Variants in RC3H1 observed in about 807,000 individuals in gnomAD.
The protein encoded by RC3H1 is roquin-1.
In RC3H1, 50 loss-of-function variants were observed where a neutral mutation model predicts 138.2. That is an observed-to-expected ratio of 0.36 (90% CI 0.29 to 0.46). The LOEUF is 0.46. Ranked by LOEUF, RC3H1 falls within the 20% of genes least tolerant of loss-of-function variation. RC3H1 has a pLI of 1.00. For missense variants in RC3H1, 1,031 were observed against 1,388.1 expected (o/e 0.74, Z 4.09); for synonymous variants, 462 against 489.1 (o/e 0.94, Z 0.73).
intron 8 of RC3H1, 149 bp downstream of exon 8, chr1:173,972,360 A>G (rs988103416): frequency 2.9e-5 from 17 of 594,306 alleles, no homozygotes; most frequent in Non-Finnish European, 4.9e-5. Context: ...AACCATGCCA[A>G]GGTAATTTAC....
At chr1:173,973,511 G>A (rs1469463919) in intron 7 of RC3H1, among the ~76,000 whole-genome samples, 1 of 150,218 alleles carries the variant, frequency 6.7e-6, no homozygotes, top group African/African-American at 2.5e-5. Flanking sequence ...ACTCCATCCT[G>A]GTGACAGAGA....
At position 173,936,018 on chromosome 1, in the gene RC3H1, T is replaced by G. The variant is rs1476922620; in HGVS notation, c.*2703A>C. Reference sequence around the variant, plus strand: ...ACTATTTTAAGTCAAGTTTATACAGTGACTTTTCTGGTTTTGTTCAGAACA... The same window carrying G: ...ACTATTTTAAGTCAAGTTTATACAGGGACTTTTCTGGTTTTGTTCAGAACA... On this transcript the variant is annotated 3_prime_UTR_variant, in exon 20 of 20. Transcript: ENST00000367696. The G allele has an allele frequency of 6.6e-6, 1 of 152,192 alleles. No individual in the cohort carries two copies. Among genetic ancestry groups the G allele is most frequent in the Non-Finnish European group, 1.5e-5 (1 of 68,036 alleles). The allele number at this position is 152,192 out of a possible 1,614,324, so 9.4% of individuals were successfully genotyped here.
chr1:174,016,422 CTTTTTTTTTT>C (rs1189625122), intron 1 of RC3H1, among the ~76,000 whole-genome samples: 2 of 118,278 alleles, frequency 1.7e-5, no homozygotes, highest in South Asian at 5.3e-4. Context: ...TTTAAGTTTC[CTTTTTTTTTT>C]TTTTTTTTTT....
At chr1:174,004,582 G>C (rs536568061) in intron 1 of RC3H1, among the ~76,000 whole-genome samples, 1 of 151,652 alleles carries the variant, frequency 6.6e-6, no homozygotes, top group African/African-American at 2.4e-5. Context: ...AAGGCAGGTG[G>C]ATCACCTGAG....
intron 1 of RC3H1, among the ~76,000 whole-genome samples, chr1:173,998,522 A>G (rs60229445): frequency 0.022 from 3,334 of 152,244 alleles, 143 homozygotes; most frequent in African/African-American, 0.077. Flanking sequence ...AATTTCCCCA[A>G]TTATATATAC....
intron 10 of RC3H1, among the ~76,000 whole-genome samples, chr1:173,964,420 T>G (rs1404100622): frequency 1.3e-5 from 2 of 152,076 alleles, no homozygotes; most frequent in Non-Finnish European, 2.9e-5. Context: ...CAGGCTGGAG[T>G]GCAGTGGTGC....
chr1:174,013,977 A>G (rs1661814352), intron 1 of RC3H1, among the ~76,000 whole-genome samples: 1 of 152,172 alleles, frequency 6.6e-6, no homozygotes, highest in Non-Finnish European at 1.5e-5. Context: ...AAAGGACTAT[A>G]TACTATGATT....
intron 2 of RC3H1, among the ~76,000 whole-genome samples, chr1:173,988,300 C>CA (rs760104808): frequency 3.3e-5 from 5 of 152,180 alleles, no homozygotes; most frequent in Non-Finnish European, 7.4e-5. Flanking sequence ...TTACCTTTTA[C>CA]AGATATCACA....
chr1:173,971,883 T>C (rs982038342), intron 8 of RC3H1, among the ~76,000 whole-genome samples: 13 of 152,160 alleles, frequency 8.5e-5, no homozygotes, highest in Admixed American at 6.5e-4. Flanking sequence ...GTTCACAGGC[T>C]TACTACTGCA....
Position 173,965,091 on chromosome 1 carries a change from G to C in RC3H1, c.1364C>G (p.Pro455Arg). ...CAAAGAGGCACTCAAGGGTCTTCTC[G>C]GAACCAGGCGCTTATTCATTTTACG... ...KFRKMNKRLV[P>R]RRPLSASLGQ... The change falls in exon 10 of 20, where the codon CCG becomes CGG. Residue 455 changes from proline (P) to arginine (R), a missense_variant. Coordinates refer to ENST00000367696, the MANE Select transcript of RC3H1 (RefSeq NM_172071.4). 6.2e-7 allele frequency: 1 copy of C among 1,613,302 alleles called. No individual in the cohort carries two copies.
chr1:173,961,049 T>C, intron 13 of RC3H1, 28 bp downstream of exon 13: 1 of 1,605,984 alleles, frequency 6.2e-7, no homozygotes, highest in Non-Finnish European at 8.5e-7. Context: ...AAAACACGGA[T>C]AAATGAGACT....
chr1:173,992,034 C>T (rs1423686807), intron 2 of RC3H1, among the ~76,000 whole-genome samples: 1 of 152,136 alleles, frequency 6.6e-6, no homozygotes, highest in Non-Finnish European at 1.5e-5. Context: ...CAGTTAATGT[C>T]TACTGAGTAA....
intron 19 of RC3H1, among the ~76,000 whole-genome samples, chr1:173,939,284 T>C (rs1658728491): frequency 6.6e-6 from 1 of 152,016 alleles, no homozygotes; most frequent in African/African-American, 2.4e-5. Context: ...ATGCCTATAA[T>C]CCCAGCACTT....
chr1:173,966,415 T>C (rs1660120260), intron 9 of RC3H1, among the ~76,000 whole-genome samples: 1 of 152,118 alleles, frequency 6.6e-6, no homozygotes, highest in African/African-American at 2.4e-5. Context: ...TGCATTTTTA[T>C]TTTGAAAAAT....
chr1:173,942,515 T>C (rs943661337), intron 18 of RC3H1, among the ~76,000 whole-genome samples: 3 of 149,792 alleles, frequency 2.0e-5, no homozygotes, highest in Admixed American at 2.0e-4. Context: ...AAAACCTGCA[T>C]GCTCAATTTA....
At chr1:173,962,901 T>C (rs1659942799) in intron 11 of RC3H1, among the ~76,000 whole-genome samples, 1 of 152,166 alleles carries the variant, frequency 6.6e-6, no homozygotes, top group Non-Finnish European at 1.5e-5. Flanking sequence ...CCATATCAAT[T>C]AAAAAACATT....
chr1:174,014,553 G>C (rs1017582255), intron 1 of RC3H1, among the ~76,000 whole-genome samples: 1 of 152,046 alleles, frequency 6.6e-6, no homozygotes, highest in Non-Finnish European at 1.5e-5. Flanking sequence ...AACTATATAA[G>C]GTTTTATATG....
intron 18 of RC3H1, among the ~76,000 whole-genome samples, chr1:173,941,798 G>A (rs183111247): frequency 1.8e-4 from 28 of 151,890 alleles, no homozygotes; most frequent in Middle Eastern, 3.4e-3. Flanking sequence ...TGGGCGTGGT[G>A]GCACACGCCT....
chr1:173,973,920 A>G (rs548814079), intron 7 of RC3H1, among the ~76,000 whole-genome samples: 1 of 152,330 alleles, frequency 6.6e-6, no homozygotes, highest in South Asian at 2.1e-4. Context: ...AATCCCCATT[A>G]TATTCAAGGA....
Sources: gnomAD v4.1 joint callset for allele counts (sites outside exome capture counted in the v4.1 genomes callset) on GRCh38, gnomAD v4.1.1 for gene constraint, MANE v1.5 for transcripts, NCBI Gene and HGNC (gene_info 2026-07-23, HGNC 2026-07-21) for gene names.